Variants in RAB20 observed in about 807,000 individuals in gnomAD.
RAB20 encodes RAB20, member RAS oncogene family.
In RAB20, 2 loss-of-function variants were observed where a neutral mutation model predicts 3.7. That is an observed-to-expected ratio of 0.54 (90% CI 0.22 to 1.69). The LOEUF (loss-of-function observed/expected upper bound fraction) is 1.69. Among genes scored for constraint, RAB20 ranks in the 40% most tolerant of loss-of-function variants. RAB20 has a pLI of 0.19. For synonymous variants in RAB20, 126 were observed against 130.8 expected (o/e 0.96, Z 0.25); for missense variants, 276 against 311.9 (o/e 0.88, Z 0.87).
chr13:110,539,023 GAAGA>G (rs1247801127), intron 1 of RAB20, among the ~76,000 whole-genome samples: 7 of 152,192 alleles, frequency 4.6e-5, no homozygotes, highest in South Asian at 2.1e-4. Flanking sequence ...TTTTCTGCCA[GAAGA>G]AAGAACTAAA....
chr13:110,555,769 C>A lies in RAB20; in HGVS notation c.172+5579G>T, dbSNP rs1477984683. Among the ~76,000 whole-genome samples the A allele has an allele frequency of 6.6e-6, 1 of 152,190 alleles. No individual in the cohort carries two copies. The highest frequency in any genetic ancestry group is 1.9e-4 in the East Asian group (1 of 5,190). ...GCCAGGTCTCCCAGGTTGCTGAGCCCTTGGGTGGCAGATGGCGACTTTTAT... is the reference window on the plus strand; with the variant it reads ...GCCAGGTCTCCCAGGTTGCTGAGCCATTGGGTGGCAGATGGCGACTTTTAT... On this transcript the variant is annotated intron_variant, in intron 1 of 1. Coordinates refer to ENST00000267328, the MANE Select transcript of RAB20 (RefSeq NM_017817.3). This position sits in a 1 kb window ranked among gnomAD's most constrained non-coding sequence, Gnocchi z 4.0.
At chr13:110,557,857 G>A (rs895911192) in intron 1 of RAB20, among the ~76,000 whole-genome samples, 2 of 152,292 alleles carry the variant, frequency 1.3e-5, no homozygotes, top group African/African-American at 2.4e-5. Context: ...CAAATGTGGA[G>A]AGCATTCTGT....
At chr13:110,530,982 G>A (rs934328448) in intron 1 of RAB20, among the ~76,000 whole-genome samples, 2 of 152,230 alleles carry the variant, frequency 1.3e-5, no homozygotes, top group African/African-American at 4.8e-5. Context: ...ATTTATAGCA[G>A]GGAATGAGCT....
chr13:110,544,732 G>A (rs1266652899), intron 1 of RAB20, among the ~76,000 whole-genome samples: 1 of 152,224 alleles, frequency 6.6e-6, no homozygotes, highest in Non-Finnish European at 1.5e-5. Context: ...GAGTGCCACA[G>A]TGAGTGTGGA....
At chr13:110,543,771 G>GTT (rs139608593) in intron 1 of RAB20, among the ~76,000 whole-genome samples, 8 of 78,422 alleles carry the variant, frequency 1.0e-4, no homozygotes, top group African/African-American at 3.1e-4. Context: ...TCAAATGTGG[G>GTT]TTATTTTTTT....
chr13:110,524,642 T>A (rs1594126805), intron 1 of RAB20, among the ~76,000 whole-genome samples: 1 of 152,146 alleles, frequency 6.6e-6, no homozygotes, highest in East Asian at 1.9e-4. Context: ...TGTGCCCATG[T>A]CCCTTCACCC....
rs770633523 is a variant in RAB20 at position 110,546,709 on chromosome 13, TG to T, written c.172+14638del. On this transcript the variant is annotated intron_variant, in intron 1 of 1. Transcript: ENST00000267328. ...TACAAGCTGAACTTCTGTTTTTTTT[TG>T]TTTTTTGGGTTTTTTGTTTGTTTGT... 1.9e-4 allele frequency among the ~76,000 whole-genome samples: 27 copies of T among 141,214 alleles called. 1 individual carries two copies. Among genetic ancestry groups the T allele is most frequent in the African/African-American group, 2.8e-4 (11 of 39,360 alleles). 92.6% of individuals were successfully genotyped at this position (141,214 alleles called of 152,430 possible). A position where few individuals can be genotyped will look rare whatever the true frequency, so the allele number is the denominator to read the frequency against.
intron 1 of RAB20, among the ~76,000 whole-genome samples, chr13:110,532,545 TTTTGTAC>T (rs1250048406): frequency 6.6e-6 from 1 of 151,996 alleles, no homozygotes; most frequent in African/African-American, 2.4e-5. Flanking sequence ...CCCAGCTAAT[TTTTGTAC>T]TATTAGTAGG....
At chr13:110,545,759 T>C (rs1024146194) in intron 1 of RAB20, among the ~76,000 whole-genome samples, 1 of 152,048 alleles carries the variant, frequency 6.6e-6, no homozygotes, top group African/African-American at 2.4e-5. Context: ...AAGAAGGAAA[T>C]ACAAAGCAAC....
intron 1 of RAB20, among the ~76,000 whole-genome samples, chr13:110,526,907 G>C (rs1237273778): frequency 1.3e-5 from 2 of 152,174 alleles, no homozygotes; most frequent in Non-Finnish European, 2.9e-5. Context: ...GGTTACCTTT[G>C]TATGTGACTG....
At position 110,561,514 on chromosome 13, in the gene RAB20, C is replaced by A; in HGVS notation, c.6G>T (p.Arg2Ser). 6.4e-7 allele frequency: 1 copy of A among 1,570,846 alleles called. No individual in the cohort carries two copies. The highest frequency in any genetic ancestry group is 8.6e-7 in the Non-Finnish European group (1 of 1,159,040). The change falls in exon 1 of 2, where the codon AGG becomes AGT. Residue 2 changes from arginine to serine, a missense_variant. Arg to Ser is a moderately radical substitution (Grantham distance 110). Transcript: ENST00000267328. ...GGAGCACGATCTTGCTGTCGGGCTT[C>A]CTCATCTTCCCGTAAGAACCCCCAG... MRKPDSKIVLLG... is the reference protein window; with the variant it reads MSKPDSKIVLLG...
chr13:110,525,648 G>T (rs562057199), intron 1 of RAB20, among the ~76,000 whole-genome samples: 1 of 152,368 alleles, frequency 6.6e-6, no homozygotes, highest in Admixed American at 6.5e-5. Context: ...GCCAAGGCAG[G>T]TGTTCCTGGG....
intron 1 of RAB20, among the ~76,000 whole-genome samples, chr13:110,529,439 G>A (rs186882423): frequency 6.6e-5 from 10 of 152,232 alleles, no homozygotes; most frequent in South Asian, 4.1e-4. Flanking sequence ...CCCCCAGACC[G>A]GAGTCCGTCA....
chr13:110,535,241 C>G (rs1469201651), intron 1 of RAB20, among the ~76,000 whole-genome samples: 2 of 152,230 alleles, frequency 1.3e-5, no homozygotes, highest in Non-Finnish European at 2.9e-5. Context: ...AGCCACATCT[C>G]TAAGTCCAAG....
In RAB20 at chr13:110,543,385, G is replaced by A. The variant is rs565932618; in HGVS notation, c.172+17963C>T. On this transcript the variant is annotated intron_variant, in intron 1 of 1. Transcript: ENST00000267328. ...GCCTCAAGTGATCCTCTGACACCTC[G>A]GCCTCCCAAAGTGCTGGGATTATAG... 2.0e-4 allele frequency among the ~76,000 whole-genome samples: 31 copies of A among 152,182 alleles called. 2 individuals carry two copies. The South Asian group carries it at 6.0e-3, about 30-fold the overall frequency.
At chr13:110,534,262 C>T (rs1006148117) in intron 1 of RAB20, among the ~76,000 whole-genome samples, 1 of 152,206 alleles carries the variant, frequency 6.6e-6, no homozygotes, top group African/African-American at 2.4e-5. Context: ...CTTGCCTGAG[C>T]TCACACACCC....
chr13:110,551,134 A>G (rs2182271), intron 1 of RAB20, among the ~76,000 whole-genome samples: 70,172 of 152,138 alleles, frequency 0.46, 17,910 homozygotes, highest in South Asian at 0.59. Context: ...AGAGCAAAAC[A>G]TTACATTCTA....
chr13:110,539,759 C>T (rs1349104456), intron 1 of RAB20, among the ~76,000 whole-genome samples: 1 of 152,116 alleles, frequency 6.6e-6, no homozygotes, highest in Non-Finnish European at 1.5e-5. Context: ...GGGGTATCAC[C>T]ATGTTGGCCA....
At chr13:110,527,255 G>A (rs931419522) in intron 1 of RAB20, among the ~76,000 whole-genome samples, 1 of 151,800 alleles carries the variant, frequency 6.6e-6, no homozygotes, top group Non-Finnish European at 1.5e-5. Context: ...CACCCCTTGG[G>A]CAACCCTGGA....
Sources: gnomAD v4.1 joint callset for allele counts (sites outside exome capture counted in the v4.1 genomes callset) on GRCh38, gnomAD v4.1.1 for gene constraint, Gnocchi (gnomAD v3.1) non-coding constraint, MANE v1.5 for transcripts, NCBI Gene and HGNC (gene_info 2026-07-23, HGNC 2026-07-21) for gene names.